Variants in TAF6 observed in about 807,000 individuals in gnomAD.
TAF6 encodes transcription initiation factor TFIID subunit 6.
TAF6 carries 50 observed loss-of-function variants against 73.5 expected under a neutral mutation model. The observed-to-expected ratio is 0.68, with a 90% CI of 0.54 to 0.86. The LOEUF is 0.86. TAF6 is among the 40% of genes least tolerant of loss of function. The probability of loss-of-function intolerance (pLI) is 0.00; values close to 1 mark genes in which losing one functional copy is unlikely to be tolerated. For synonymous variants in TAF6, 424 were observed against 376.7 expected (o/e 1.13, Z -1.45); for missense variants, 768 against 899.5 (o/e 0.85, Z 1.87).
intron 1 of TAF6, among the ~76,000 whole-genome samples, chr7:100,117,230 G>A (rs1428691692): frequency 1.3e-5 from 2 of 150,528 alleles, no homozygotes; most frequent in Non-Finnish European, 3.0e-5. Context: ...TGGCAACAGA[G>A]TGAGACCCCG....
upstream of TAF6, chr7:100,119,583 C>T: frequency 6.8e-7 from 1 of 1,466,066 alleles, no homozygotes; most frequent in Non-Finnish European, 9.1e-7. Context: ...CAGGGAAACC[C>T]GTAGCAACGA....
chr7:100,108,249 G>C, intron 13 of TAF6, 118 bp downstream of exon 13: 1 of 1,464,196 alleles, frequency 6.8e-7, no homozygotes, highest in Non-Finnish European at 9.1e-7. Context: ...TCCTCACTCA[G>C]GGCCTGGTTG....
At chr7:100,113,227 A>ACTGCACTCCAGCACTC (rs1253344316) in intron 5 of TAF6, 122 bp downstream of exon 5, 2 of 971,780 alleles carry the variant, frequency 2.1e-6, no homozygotes, top group East Asian at 2.6e-5. Flanking sequence ...AGATTGAGCC[A>ACTGCACTCCAGCACTC]CTGCACTCCA....
Position 100,108,138 on chromosome 7 carries a change from G to T in TAF6, c.1459-15C>A. 6.3e-7 allele frequency: 1 copy of T among 1,581,356 alleles called. No individual in the cohort carries two copies. The highest frequency in any genetic ancestry group is 1.1e-5 in the South Asian group (1 of 87,610). ...GTGGGCCGGGGCTGCGGGGAGAAGA[G>T]GAAAGGGGGAAGTGGCACCATCTAC... is the stretch of plus-strand genomic sequence containing the variant. On this transcript the variant is annotated splice_polypyrimidine_tract_variant and intron_variant, in intron 13 of 14. Transcript: ENST00000453269.
At position 100,113,343 on chromosome 7, in the gene TAF6, G is replaced by A. The variant is rs753672251; in HGVS notation, c.454+6C>T. ...AGAGACCCAGAGGGTGGGGCATGGA[G>A]GTTACCTGGGGGCGGGTTCTCGGGG... is the stretch of plus-strand genomic sequence containing the variant. On this transcript the variant is annotated splice_donor_region_variant and intron_variant, in intron 5 of 14. Transcript: ENST00000453269. 5 of 1,589,010 alleles carry A rather than the reference G, an allele frequency of 3.1e-6. No homozygotes were observed. The highest frequency in any genetic ancestry group is 4.3e-6 in the Non-Finnish European group (5 of 1,167,932).
intron 6 of TAF6, among the ~76,000 whole-genome samples, chr7:100,112,555 A>AG (rs1012412160): frequency 2.0e-5 from 3 of 152,096 alleles, no homozygotes; most frequent in African/African-American, 4.8e-5. Context: ...TACTAAAAAA[A>AG]ATTACAAAAA....
intron 14 of TAF6, 114 bp from the exon 15 acceptor site, chr7:100,107,737 C>A: frequency 1.4e-6 from 2 of 1,469,010 alleles, no homozygotes; most frequent in Admixed American, 2.5e-5. Flanking sequence ...GTAGTTCACC[C>A]TGTAGACAGC....
intron 6 of TAF6, 114 bp from the exon 7 acceptor site, chr7:100,112,367 G>A: frequency 7.0e-7 from 1 of 1,422,738 alleles, no homozygotes; most frequent in Admixed American, 2.6e-5. Flanking sequence ...CTTCTTCTTA[G>A]GCTCCCCCAT....
In TAF6 at chr7:100,113,867, CCT is replaced by C; in HGVS notation, c.242_243del (p.Glu81AlafsTer27). On this transcript the variant is annotated frameshift_variant and splice_region_variant, in exon 3 of 15. Transcript: ENST00000453269. LOFTEE classifies it high-confidence loss of function. ...IDYALKLKNV[E>X]PLYGFHAQEF... is the part of the protein sequence containing the mutation. ...CCCCCCCGCCTGTCTCCCCAAATCA[CCT>C]CGACATTCTTTAGCTTCAAGGCGTA... The C allele has an allele frequency of 1.9e-6, 3 of 1,613,634 alleles. No homozygotes were observed. Among genetic ancestry groups the C allele is most frequent in the Non-Finnish European group, 2.5e-6 (3 of 1,179,888 alleles).
chr7:100,113,882 G>T lies in TAF6; in HGVS notation c.229C>A (p.Leu77Ile). The change falls in exon 3 of 15, where the codon CTA becomes ATA. Residue 77 changes from leucine to isoleucine, a missense_variant. This residue lies in a region of TAF6 where 269 missense variants were observed against 268.0 expected (regional missense o/e 1.00). Coordinates refer to ENST00000453269, the MANE Select transcript of TAF6 (RefSeq NM_139315.3). Reference sequence around the variant, plus strand: ...CCCCAAATCACCTCGACATTCTTTAGCTTCAAGGCGTAGTCAATGTCACTG... The same window carrying T: ...CCCCAAATCACCTCGACATTCTTTATCTTCAAGGCGTAGTCAATGTCACTG... The part of the protein sequence containing the change: ...TTSDIDYALK[L>I]KNVEPLYGFH... 6.2e-7 allele frequency: 1 copy of T among 1,613,288 alleles called. No individual in the cohort carries two copies. The highest frequency in any genetic ancestry group is 8.5e-7 in the Non-Finnish European group (1 of 1,179,886).
the TAF6 span, among the ~76,000 whole-genome samples, chr7:100,126,042 C>T: frequency 6.6e-6 from 1 of 152,048 alleles, no homozygotes; most frequent in Non-Finnish European, 1.5e-5. Context: ...AAAAATTAGC[C>T]GGGTGTGGTG....
At chr7:100,124,460 G>T, upstream of TAF6, 1 of 1,390,900 alleles carries the variant, frequency 7.2e-7, no homozygotes, top group South Asian at 1.2e-5. Context: ...GAAGACAGGC[G>T]GGATCCCAAA....
intron 3 of TAF6, 21 bp downstream of exon 3, chr7:100,113,847 C>CA: frequency 6.2e-7 from 1 of 1,613,026 alleles, no homozygotes; most frequent in Non-Finnish European, 8.5e-7. Flanking sequence ...CACCCCCCCC[C>CA]CGCCTGTCTC....
Position 100,107,971 on chromosome 7 carries a change from C to G in TAF6, c.1611G>C (p.Lys537Asn). The change falls in exon 14 of 15, where the codon AAG becomes AAC. Residue 537 changes from lysine (K) to asparagine (N), a missense_variant. Physicochemically the swap from Lys to Asn is moderately conservative, Grantham distance 94. Coordinates refer to ENST00000453269, the MANE Select transcript of TAF6 (RefSeq NM_139315.3). ...TGGAGGACGATGACATTACAATAAA[C>G]TTGGTTGGAGGAGGGGAAGGCTGTG... The part of the protein sequence containing the change: ...APPQPSPPPT[K>N]FIVMSSSSSA... 6.2e-7 allele frequency: 1 copy of G among 1,613,938 alleles called. No homozygotes were observed. The highest frequency in any genetic ancestry group is 8.5e-7 in the Non-Finnish European group (1 of 1,179,938).
rs1273286990 is a variant in TAF6, at chr7:100,113,949, G to A, written c.162C>T (p.Ala54=). 2.5e-6 allele frequency: 4 copies of A among 1,614,054 alleles called. No individual in the cohort carries two copies. In the African/African-American group the frequency reaches 4.0e-5, roughly 16 times the overall value. The change falls in exon 3 of 15, where the codon GCC becomes GCT. Residue 54 remains alanine, a synonymous_variant. Transcript: ENST00000453269. ...GCTTCCCCATGTGCATGAACTTCAA[G>A]GCATCCTGGGGTCGGTGACAGAACA... ...SYRIKEIAQD[A]LKFMHMGKRQ...
upstream of TAF6, among the ~76,000 whole-genome samples, chr7:100,123,536 T>TC (rs1798127667): frequency 6.6e-6 from 1 of 152,040 alleles, no homozygotes; most frequent in African/African-American, 2.4e-5. Context: ...ATTTTTTTTT[T>TC]CAAGACGGAG....
chr7:100,116,346 AC>A (rs1039638287), intron 1 of TAF6, among the ~76,000 whole-genome samples: 6 of 151,826 alleles, frequency 4.0e-5, no homozygotes, highest in Admixed American at 3.9e-4. Flanking sequence ...ACATAGCAAA[AC>A]CCCATCTCAG....
At chr7:100,119,478 A>T, upstream of TAF6, 1 of 1,352,042 alleles carries the variant, frequency 7.4e-7, no homozygotes, top group Non-Finnish European at 9.6e-7. Context: ...TTCTACATCT[A>T]TATATAAGGA....
chr7:100,123,046 G>C, upstream of TAF6: 1 of 969,198 alleles, frequency 1.0e-6, no homozygotes, highest in South Asian at 2.1e-5. Context: ...ATTGATTAAA[G>C]TGGGTCCAGG....
Sources: allele counts gnomAD v4.1 joint callset (sites outside exome capture counted in the v4.1 genomes callset), GRCh38; gene constraint gnomAD v4.1.1; regional missense constraint gnomAD v4.1.1; transcripts MANE v1.5; gene names NCBI Gene and HGNC (gene_info 2026-07-23, HGNC 2026-07-21).